The following WFDC8 variants were observed in gnomAD, a reference collection of about 807,000 sequenced individuals.
The protein encoded by WFDC8 is WAP four-disulfide core domain protein 8.
A neutral mutation model predicts 27.0 loss-of-function variants in WFDC8; 24 were observed. The observed-to-expected ratio is 0.89, with a 90% CI of 0.64 to 1.25. WFDC8 has a LOEUF of 1.25. Ranked by LOEUF, WFDC8 falls within the 50% of genes most tolerant of loss-of-function variation. WFDC8 has a pLI of 0.00. For synonymous variants in WFDC8, 106 were observed against 99.7 expected (o/e 1.06, Z -0.38); for missense variants, 287 against 295.9 (o/e 0.97, Z 0.22).
chr20:45,560,351 A>G (rs752241241), intron 2 of WFDC8, among the ~76,000 whole-genome samples: 2 of 152,236 alleles, frequency 1.3e-5, no homozygotes, highest in Non-Finnish European at 2.9e-5. Context: ...AATGAGAACT[A>G]CAGCCCTGGC....
chr20:45,552,747 T>C (rs971578801), intron 5 of WFDC8, among the ~76,000 whole-genome samples: 2 of 152,226 alleles, frequency 1.3e-5, no homozygotes, highest in East Asian at 1.9e-4. Flanking sequence ...CAGCCCATCT[T>C]ACAGGATATG....
At chr20:45,571,389 C>T (rs1600898822) in intron 1 of WFDC8, among the ~76,000 whole-genome samples, 1 of 151,992 alleles carries the variant, frequency 6.6e-6, no homozygotes, top group Non-Finnish European at 1.5e-5. Flanking sequence ...TATTTATGTG[C>T]TACAATTTAA....
intron 1 of WFDC8, among the ~76,000 whole-genome samples, chr20:45,564,775 A>T (rs768244448): frequency 8.6e-5 from 13 of 151,432 alleles, no homozygotes; most frequent in South Asian, 2.1e-4. Flanking sequence ...CCAGGAAGTC[A>T]GTGTTTCAAT....
intron 3 of WFDC8, 65 bp from the exon 4 acceptor site, chr20:45,555,933 C>T: frequency 1.3e-6 from 2 of 1,514,954 alleles, no homozygotes; most frequent in Non-Finnish European, 1.8e-6. Context: ...GGTCAGTTCC[C>T]TAGCATTTCT....
In WFDC8 at chr20:45,567,560, C is replaced by A. The variant is rs561528833; in HGVS notation, c.27-5341G>T. ...ACTGAAACACAGAATACTGCTGTGA[C>A]CTTCTCACTAGCGATGAAAACTCAA... On this transcript the variant is annotated intron_variant, in intron 1 of 5. Coordinates refer to ENST00000289953, the MANE Select transcript of WFDC8 (RefSeq NM_130896.3). 2.0e-5 allele frequency among the ~76,000 whole-genome samples: 3 copies of A among 152,298 alleles called. No individual in the cohort carries two copies. The South Asian group carries it at 6.2e-4, about 32-fold the overall frequency.
rs1484867437 is a variant in WFDC8, at chr20:45,579,077, A to G, written c.26+145T>C. 5.3e-6 allele frequency: 4 copies of G among 753,008 alleles called. No individual in the cohort carries two copies. In the Admixed American group the frequency reaches 8.6e-5, roughly 16 times the overall value. 46.6% of individuals were successfully genotyped at this position (753,008 alleles called of 1,614,324 possible). A position where few individuals can be genotyped will look rare whatever the true frequency, so the allele number is the denominator to read the frequency against. On this transcript the variant is annotated intron_variant, in intron 1 of 5. Transcript: ENST00000289953. ...CTTAGGCTCTGATTCCTGACACAAG[A>G]CAGCTCTGTTCTGTGGAACCCCTCC... is the stretch of plus-strand genomic sequence containing the variant.
At chr20:45,570,891 A>C (rs73908145) in intron 1 of WFDC8, among the ~76,000 whole-genome samples, 2,780 of 152,262 alleles carry the variant, frequency 0.018, 83 homozygotes, top group African/African-American at 0.057. Flanking sequence ...ACTGCATGCT[A>C]TTTGGAGAAA....
At chr20:45,573,717 G>A (rs1192617585) in intron 1 of WFDC8, among the ~76,000 whole-genome samples, 2 of 152,096 alleles carry the variant, frequency 1.3e-5, no homozygotes, top group Non-Finnish European at 2.9e-5. Context: ...TGTGCAATAA[G>A]GGTTCAATTT....
At chr20:45,553,439 A>G (rs143085481) in intron 4 of WFDC8, among the ~76,000 whole-genome samples, 163 bp from the exon 5 acceptor site, 13 of 152,280 alleles carry the variant, frequency 8.5e-5, no homozygotes, top group African/African-American at 2.9e-4. Context: ...GTCTCATCAT[A>G]TCATGGGATA....
At position 45,551,816 on chromosome 20, in the gene WFDC8, G is replaced by T; in HGVS notation, c.*210C>A. On this transcript the variant is annotated 3_prime_UTR_variant, in exon 6 of 6. Coordinates refer to ENST00000289953, the MANE Select transcript of WFDC8 (RefSeq NM_130896.3). ...ATTTTGGAGGTTCTACACAATACAA[G>T]AAGACAAGAAAATAAAGTCATGAAG... 1.9e-6 allele frequency: 1 copy of T among 525,172 alleles called. No individual in the cohort carries two copies. The highest frequency in any genetic ancestry group is 3.3e-6 in the Non-Finnish European group (1 of 304,942). The allele number at this position is 525,172 out of a possible 1,614,324, so 32.5% of individuals were successfully genotyped here.
At position 45,555,849 on chromosome 20, in the gene WFDC8, C is replaced by T. The variant is rs138197723; in HGVS notation, c.297G>A (p.Val99=). ...DPFQEPCMLP[V]RHGNCNHEAQ... ...CCTCATGATTACAGTTTCCATGCCTCACAGGTAGCATGCAGGGTTCTGAGG... is the reference window on the plus strand; with the variant it reads ...CCTCATGATTACAGTTTCCATGCCTTACAGGTAGCATGCAGGGTTCTGAGG... The change falls in exon 4 of 6, where the codon GTG becomes GTA. Residue 99 remains valine, a synonymous_variant. Transcript: ENST00000289953. 1.7e-5 allele frequency: 28 copies of T among 1,613,812 alleles called. No homozygotes were observed. The highest frequency in any genetic ancestry group is 1.7e-4 in the Middle Eastern group (1 of 6,058).
chr20:45,565,698 G>A (rs531484314), intron 1 of WFDC8, among the ~76,000 whole-genome samples: 27 of 152,280 alleles, frequency 1.8e-4, no homozygotes, highest in Non-Finnish European at 2.6e-4. Context: ...TTTCATTCAG[G>A]TGGCAAACTC....
At chr20:45,559,725 T>TTATTTG (rs1980397971) in intron 2 of WFDC8, 1 of 152,142 alleles carries the variant, frequency 6.6e-6, no homozygotes, top group African/African-American at 2.4e-5. Flanking sequence ...ATTTTTATTT[T>TTATTTG]TTTACTAAAA....
intron 1 of WFDC8, among the ~76,000 whole-genome samples, chr20:45,564,191 T>G (rs1013609830): frequency 1.3e-5 from 2 of 152,160 alleles, no homozygotes; most frequent in Non-Finnish European, 2.9e-5. Context: ...GTGGGGGCTC[T>G]GAAGAACTAG....
rs926149808 is a variant in WFDC8, at chr20:45,552,066, C to T, written c.686G>A (p.Cys229Tyr). ...CATACATTTCAGTCCACAATGTGAG[C>T]AGCACTTTTCCACCAATGGGCACTC... is the stretch of plus-strand genomic sequence containing the variant. Reference protein sequence around the residue: ...DEECPLVEKCCSHCGLKCMDP... With the variant: ...DEECPLVEKCYSHCGLKCMDP... The change falls in exon 6 of 6, where the codon TGC becomes TAC. Residue 229 changes from cysteine (C) to tyrosine (Y), a missense_variant. Transcript: ENST00000289953. 1.2e-6 allele frequency: 2 copies of T among 1,614,094 alleles called. No individual in the cohort carries two copies. The highest frequency in any genetic ancestry group is 1.7e-6 in the Non-Finnish European group (2 of 1,179,954).
chr20:45,561,622 G>A (rs1411019624), intron 2 of WFDC8, among the ~76,000 whole-genome samples: 2 of 152,014 alleles, frequency 1.3e-5, no homozygotes, highest in South Asian at 4.1e-4. Flanking sequence ...CACTCCCTCA[G>A]ATCAGCACCT....
intron 1 of WFDC8, among the ~76,000 whole-genome samples, chr20:45,563,208 T>C (rs1569616): frequency 0.38 from 58,286 of 152,016 alleles, 11,656 homozygotes; most frequent in Non-Finnish European, 0.43. Context: ...TCATGGAAAT[T>C]ATGACCCCAA....
chr20:45,556,952 T>C (rs1399636966), intron 3 of WFDC8, among the ~76,000 whole-genome samples: 4 of 152,170 alleles, frequency 2.6e-5, no homozygotes, highest in Non-Finnish European at 5.9e-5. Flanking sequence ...GGTCTGCCGC[T>C]GGTCTGATCC....
intron 1 of WFDC8, among the ~76,000 whole-genome samples, chr20:45,574,784 C>T (rs370519492): frequency 4.5e-4 from 68 of 152,210 alleles, no homozygotes; most frequent in Non-Finnish European, 5.7e-4. Flanking sequence ...AGTGACAAAG[C>T]GAGACTCTGT....
Sources: gnomAD v4.1 joint callset for allele counts (sites outside exome capture counted in the v4.1 genomes callset) on GRCh38, gnomAD v4.1.1 for gene constraint, MANE v1.5 for transcripts, NCBI Gene and HGNC (gene_info 2026-07-23, HGNC 2026-07-21) for gene names.